The following DST variants were observed in gnomAD, a reference collection of about 807,000 sequenced individuals.
DST encodes bullous pemphigoid antigen.
A neutral mutation model predicts 875.2 loss-of-function variants in DST; 253 were observed. That is an observed-to-expected ratio of 0.29 (90% CI 0.26 to 0.32). DST has a LOEUF of 0.32. Ranked by LOEUF, DST falls within the 10% of genes least tolerant of loss-of-function variation. The pLI is 1.00. For synonymous variants in DST, 3,124 were observed against 3,197.1 expected, an observed-to-expected ratio of 0.98 and a Z score of 0.77; for missense variants, 8,287 against 9,111.6, an observed-to-expected ratio of 0.91 and a Z score of 3.68.
rs980971287 is a variant in DST at position 56,703,716 on chromosome 6, G to T, written c.808C>A (p.Arg270=). The change falls in exon 7 of 104, where the codon CGA becomes AGA. Residue 270 remains arginine, a synonymous_variant. Coordinates refer to ENST00000680361, the MANE Select transcript of DST (RefSeq NM_001374736.1). ...CATGCTTCTGTTGCACTCACCAATC[G>T]TAAGGTCTTCAAAAAATCTCGCTCC... is the stretch of plus-strand genomic sequence containing the variant. ...PRERDFLKTL[R]LVSATEACEY... is the part of the protein sequence containing the mutation. 2.0e-6 allele frequency: 2 copies of T among 985,092 alleles called. No individual in the cohort carries two copies. The highest frequency in any genetic ancestry group is 2.4e-6 in the Non-Finnish European group (2 of 829,802). 61.0% of individuals were successfully genotyped at this position (985,092 alleles called of 1,614,324 possible). A position where few individuals can be genotyped will look rare whatever the true frequency, so the allele number is the denominator to read the frequency against.
chr6:56,834,730 G>C (rs537424792), intron 4 of DST, among the ~76,000 whole-genome samples: 1 of 152,310 alleles, frequency 6.6e-6, no homozygotes, highest in East Asian at 1.9e-4. Flanking sequence ...AGGATGTGTA[G>C]CAACAGGAAC....
chr6:56,708,159 G>A (rs754169060), intron 5 of DST, among the ~76,000 whole-genome samples: 2 of 152,080 alleles, frequency 1.3e-5, no homozygotes, highest in African/African-American at 2.4e-5. Context: ...TCTGCCCTTG[G>A]CCTTATGAAT....
intron 10 of DST, 116 bp from the exon 11 acceptor site, chr6:56,651,360 G>A (rs1246662832): frequency 1.6e-5 from 9 of 563,598 alleles, no homozygotes; most frequent in African/African-American, 7.6e-5. Flanking sequence ...CCAAGCCTGC[G>A]TTAAAATGCA....
chr6:56,833,891 CA>C (rs1464059976), intron 4 of DST, among the ~76,000 whole-genome samples: 1 of 150,622 alleles, frequency 6.6e-6, no homozygotes, highest in African/African-American at 2.4e-5. Flanking sequence ...CCAAAATATA[CA>C]AAAAACTCCA....
chr6:56,737,519 A>C (rs774608119), intron 4 of DST, among the ~76,000 whole-genome samples: 109 of 152,352 alleles, frequency 7.2e-4, no homozygotes, highest in African/African-American at 2.5e-3. Context: ...ACTAGTCACA[A>C]TTTAAGTGCT....
intron 75 of DST, 71 bp from the exon 76 acceptor site, chr6:56,506,860 A>G (rs780285910): frequency 7.0e-7 from 1 of 1,434,308 alleles, no homozygotes; most frequent in East Asian, 2.4e-5. Flanking sequence ...GTACACAACA[A>G]TATCAATGGT....
intron 4 of DST, among the ~76,000 whole-genome samples, chr6:56,845,404 C>T (rs1369143744): frequency 6.6e-6 from 1 of 152,154 alleles, no homozygotes; most frequent in Admixed American, 6.5e-5. Context: ...TGAGATAGAA[C>T]TGGAGCACTC....
At chr6:56,843,225 C>A in intron 4 of DST, 1 of 1,370,308 alleles carries the variant, frequency 7.3e-7, no homozygotes, top group Non-Finnish European at 9.6e-7. Context: ...GTCAGCAAGA[C>A]ACAGCCTTGG....
rs773452989 is a variant in DST at position 56,631,358 on chromosome 6, T to C, written c.3995A>G (p.Asp1332Gly). The C allele has an allele frequency of 1.2e-5, 20 of 1,613,884 alleles. No individual in the cohort carries two copies. The South Asian group carries it at 1.8e-4, about 14-fold the overall frequency. ...KLKKELERLK[D>G]DLGTITNKCE... is the part of the protein sequence containing the mutation. ...CTTATTTGTGATTGTTCCCAAATCATCTTTAAGTCGTTCCAGCTCTTTCTT... is the reference window on the plus strand; with the variant it reads ...CTTATTTGTGATTGTTCCCAAATCACCTTTAAGTCGTTCCAGCTCTTTCTT... Residue 1332 changes from aspartate to glycine, a missense_variant, in exon 30 of 104, where the codon GAT (aspartate) becomes GGT (glycine). By Grantham distance (94) the Asp-to-Gly change is moderately conservative. This residue lies in a region of DST where 3,138 missense variants were observed against 3,116.6 expected (regional missense o/e 1.01). Transcript: ENST00000680361.
At chr6:56,506,640 C>G in intron 76 of DST, 27 bp downstream of exon 76, 1 of 1,612,510 alleles carries the variant, frequency 6.2e-7, no homozygotes, top group South Asian at 1.1e-5. Context: ...TTTTTAAAAG[C>G]CATTCTGATA....
intron 55 of DST, among the ~76,000 whole-genome samples, chr6:56,565,978 G>A (rs2097669565): frequency 6.6e-6 from 1 of 152,190 alleles, no homozygotes; most frequent in Admixed American, 6.5e-5. Flanking sequence ...AACTTCCCTG[G>A]CAGTTTGTTT....
chr6:56,517,211 T>C lies in DST; in HGVS notation c.18344A>G (p.Lys6115Arg). The part of the protein sequence containing the change: ...KIMTACSEEE[K>R]QSMKKKLDKV... Reference sequence around the variant, plus strand: ...ACAAGATTATACCTTCATTGATTGCTTTTCCTCTTCACTGCATGCGGTCAT... The same window carrying C: ...ACAAGATTATACCTTCATTGATTGCCTTTCCTCTTCACTGCATGCGGTCAT... Residue 6115 changes from lysine to arginine, a missense_variant, in exon 71 of 104, where the codon AAG becomes AGG. By Grantham distance (26) the Lys-to-Arg change is conservative (BLOSUM62 2). Transcript: ENST00000680361. The C allele has an allele frequency of 6.2e-7, 1 of 1,612,056 alleles. No homozygotes were observed. Among genetic ancestry groups the C allele is most frequent in the East Asian group, 2.2e-5 (1 of 44,860 alleles).
At chr6:56,637,872 G>A (rs77081750) in intron 22 of DST, among the ~76,000 whole-genome samples, 1,628 of 152,110 alleles carry the variant, frequency 0.011, 25 homozygotes, top group African/African-American at 0.037. Flanking sequence ...CTTCCGAATG[G>A]AATGTATGAT....
chr6:56,580,464 G>A (rs372650391), intron 49 of DST, among the ~76,000 whole-genome samples: 6 of 152,010 alleles, frequency 3.9e-5, no homozygotes, highest in Admixed American at 6.6e-5. Context: ...CAGGAAGACC[G>A]CATGAGCCCA....
chr6:56,759,188 C>T (rs532970456), intron 4 of DST, among the ~76,000 whole-genome samples: 10 of 152,324 alleles, frequency 6.6e-5, no homozygotes, highest in East Asian at 3.9e-4. Flanking sequence ...CAGTGGCTCA[C>T]GCCTGTAATC....
chr6:56,464,588 T>G, intron 100 of DST, 97 bp downstream of exon 100: 1 of 887,184 alleles, frequency 1.1e-6, no homozygotes, highest in Non-Finnish European at 1.8e-6. Context: ...ACGCGATGGA[T>G]GAAGCATGTT....
intron 2 of DST, among the ~76,000 whole-genome samples, chr6:56,920,961 C>A (rs545938664): frequency 1.6e-5 from 2 of 126,456 alleles, no homozygotes; most frequent in Admixed American, 2.0e-4. Context: ...CCAGGTTGAT[C>A]TGGAACTCCT....
chr6:56,634,660 T>C (rs2152765733), intron 25 of DST, 44 bp from the exon 26 acceptor site: 2 of 1,612,172 alleles, frequency 1.2e-6, no homozygotes, highest in Middle Eastern at 1.7e-4. Context: ...AGGTCACTGT[T>C]AACTGTTTTC....
At chr6:56,579,059 A>G in intron 49 of DST, 122 bp from the exon 50 acceptor site, 1 of 797,484 alleles carries the variant, frequency 1.3e-6, no homozygotes, top group Admixed American at 3.2e-5. Flanking sequence ...TCATCATACC[A>G]ACTTTCATCA....
Sources: gnomAD v4.1 joint callset for allele counts (sites outside exome capture counted in the v4.1 genomes callset) on GRCh38, gnomAD v4.1.1 for gene constraint, gnomAD v4.1.1 regional missense constraint, MANE v1.5 for transcripts, NCBI Gene and HGNC (gene_info 2026-07-23, HGNC 2026-07-21) for gene names.